Variants in SNTG2 observed in about 807,000 individuals in gnomAD.
SNTG2 encodes gamma-2-syntrophin.
SNTG2 carries 74 observed loss-of-function variants against 70.9 expected under a neutral mutation model. The observed-to-expected ratio is 1.04, with a 90% CI of 0.86 to 1.27. SNTG2 has a LOEUF of 1.27. Ranked by LOEUF, SNTG2 falls within the 50% of genes most tolerant of loss-of-function variation. The probability of loss-of-function intolerance (pLI) is 0.00; values close to 1 mark genes in which losing one functional copy is unlikely to be tolerated. For synonymous variants in SNTG2, 278 were observed against 273.8 expected (o/e 1.02, Z -0.15); for missense variants, 717 against 690.7 (o/e 1.04, Z -0.43).
At chr2:1,087,557 C>T (rs1208910566) in intron 2 of SNTG2, among the ~76,000 whole-genome samples, 2 of 152,106 alleles carry the variant, frequency 1.3e-5, no homozygotes, top group African/African-American at 4.8e-5. Flanking sequence ...GTGTTTTCTT[C>T]TGTTTCCTAT....
intron 9 of SNTG2, among the ~76,000 whole-genome samples, chr2:1,216,186 T>A (rs1366604534): frequency 2.0e-5 from 3 of 152,196 alleles, no homozygotes; most frequent in Non-Finnish European, 4.4e-5. Context: ...GTAAAAATGT[T>A]CCTATTTCTC....
chr2:1,057,409 AC>A (rs1410192170), intron 1 of SNTG2, among the ~76,000 whole-genome samples: 1 of 152,080 alleles, frequency 6.6e-6, no homozygotes, highest in African/African-American at 2.4e-5. Context: ...AGTAGTAGTA[AC>A]TCACACGTTC....
chr2:997,583 C>A (rs996547661), intron 1 of SNTG2, among the ~76,000 whole-genome samples: 1 of 151,568 alleles, frequency 6.6e-6, no homozygotes, highest in Non-Finnish European at 1.5e-5. Context: ...GGAGTGTGGG[C>A]GAGGTGGCCA....
At chr2:1,255,341 C>T (rs548229402) in intron 12 of SNTG2, among the ~76,000 whole-genome samples, 5 of 152,266 alleles carry the variant, frequency 3.3e-5, no homozygotes, top group South Asian at 2.1e-4. Context: ...AAGACCACCA[C>T]GTCAGACTCC....
rs572537794 is a variant in SNTG2 at position 977,400 on chromosome 2, G to A, written c.72+26332G>A. Among the ~76,000 whole-genome samples the A allele has an allele frequency of 1.3e-5, 2 of 152,258 alleles. 1 individual carries two copies. Among genetic ancestry groups the A allele is most frequent in the East Asian group, 3.9e-4 (2 of 5,176 alleles). On this transcript the variant is annotated intron_variant, in intron 1 of 16. Transcript: ENST00000308624. ...GGCCCCTGTGCCCACGGCCTGCTTT[G>A]AGTCTGCTGTGGGAAAGTTCGCTGG...
intron 12 of SNTG2, among the ~76,000 whole-genome samples, chr2:1,255,883 T>A (rs796434703): frequency 0.24 from 3,800 of 15,904 alleles, 93 homozygotes; most frequent in Non-Finnish European, 0.28. Flanking sequence ...AATATATATA[T>A]AAATATATAT....
intron 4 of SNTG2, among the ~76,000 whole-genome samples, chr2:1,110,755 G>A (rs1297449228): frequency 2.0e-5 from 3 of 152,308 alleles, no homozygotes; most frequent in Non-Finnish European, 4.4e-5. Flanking sequence ...CTAAAAAATG[G>A]CTTTTGAAAT....
chr2:1,019,629 C>T (rs759702260), intron 1 of SNTG2, among the ~76,000 whole-genome samples: 2 of 152,204 alleles, frequency 1.3e-5, no homozygotes, highest in Non-Finnish European at 2.9e-5. Context: ...GCTGTTGAAA[C>T]TCTACAGACA....
At chr2:1,288,011 C>T (rs1299241804) in intron 14 of SNTG2, among the ~76,000 whole-genome samples, 1 of 152,268 alleles carries the variant, frequency 6.6e-6, no homozygotes, top group Non-Finnish European at 1.5e-5. Context: ...GAACCTCGGA[C>T]AAGTTTTTAA....
At chr2:1,036,329 A>G (rs1661127189) in intron 1 of SNTG2, among the ~76,000 whole-genome samples, 2 of 151,688 alleles carry the variant, frequency 1.3e-5, no homozygotes, top group Non-Finnish European at 1.5e-5. Flanking sequence ...CCTCTTATCT[A>G]TACTCTGATA....
chr2:1,204,731 G>T (rs4247822), intron 8 of SNTG2, among the ~76,000 whole-genome samples: 15 of 151,906 alleles, frequency 9.9e-5, no homozygotes, highest in Non-Finnish European at 5.9e-5. Flanking sequence ...AATCTCTTAC[G>T]GGGCCTAATT....
intron 16 of SNTG2, among the ~76,000 whole-genome samples, chr2:1,355,489 C>T (rs1431292446): frequency 1.3e-5 from 2 of 152,192 alleles, no homozygotes; most frequent in Non-Finnish European, 2.9e-5. Flanking sequence ...CCGTGTCTTC[C>T]AGCTTCATCC....
At chr2:1,114,572 C>G (rs757784213) in intron 4 of SNTG2, among the ~76,000 whole-genome samples, 19 of 148,468 alleles carry the variant, frequency 1.3e-4, no homozygotes, top group African/African-American at 2.1e-4. Context: ...TGAGGTTTAA[C>G]CCTTAGAGTC....
chr2:959,492 A>G (rs1341813383), intron 1 of SNTG2, among the ~76,000 whole-genome samples: 1 of 152,066 alleles, frequency 6.6e-6, no homozygotes, highest in Non-Finnish European at 1.5e-5. Flanking sequence ...GAAGGGAGTC[A>G]GGGAGGCCTG....
chr2:1,026,159 A>G (rs935971640), intron 1 of SNTG2, among the ~76,000 whole-genome samples: 1 of 152,158 alleles, frequency 6.6e-6, no homozygotes, highest in African/African-American at 2.4e-5. Flanking sequence ...ATAATTTTGA[A>G]AAGTTTGTTG....
At chr2:1,266,543 C>A (rs1678744692) in intron 13 of SNTG2, among the ~76,000 whole-genome samples, 1 of 152,118 alleles carries the variant, frequency 6.6e-6, no homozygotes, top group East Asian at 1.9e-4. Flanking sequence ...TCCTGGGTGG[C>A]CGGGTGCCTT....
intron 1 of SNTG2, among the ~76,000 whole-genome samples, chr2:1,005,867 A>G (rs1301766640): frequency 7.4e-5 from 2 of 26,920 alleles, no homozygotes; most frequent in South Asian, 1.2e-3. Flanking sequence ...ATATATATAT[A>G]TATATATAAA....
chr2:1,334,878 A>G (rs1434002866), intron 16 of SNTG2, among the ~76,000 whole-genome samples: 1 of 152,168 alleles, frequency 6.6e-6, no homozygotes, highest in African/African-American at 2.4e-5. Context: ...AATCTCAGAA[A>G]TCACTGCTAA....
chr2:1,103,532 G>A (rs773213253), intron 4 of SNTG2: 22 of 171,118 alleles, frequency 1.3e-4, no homozygotes, highest in Admixed American at 9.4e-4. Context: ...TGGGATTACA[G>A]GCACCCGCCA....
Sources: gnomAD v4.1 joint callset for allele counts (sites outside exome capture counted in the v4.1 genomes callset) on GRCh38, gnomAD v4.1.1 for gene constraint, MANE v1.5 for transcripts, NCBI Gene and HGNC (gene_info 2026-07-23, HGNC 2026-07-21) for gene names.